The following APBB2 variants were observed in gnomAD, a reference collection of about 807,000 sequenced individuals.
APBB2 encodes Fe65-like 1.
A neutral mutation model predicts 82.5 loss-of-function variants in APBB2; 38 were observed. The observed-to-expected ratio is 0.46, with a 90% CI of 0.36 to 0.60. The LOEUF (loss-of-function observed/expected upper bound fraction) is 0.60, where lower values mean the gene tolerates loss of function less well. APBB2 is among the 20% of genes least tolerant of loss of function. The pLI, the probability that APBB2 is intolerant of heterozygous loss-of-function variation, is 0.00. For synonymous variants in APBB2, 341 were observed against 368.2 expected (o/e 0.93, Z 0.85); for missense variants, 772 against 972.3 (o/e 0.79, Z 2.74).
intron 3 of APBB2, among the ~76,000 whole-genome samples, chr4:41,083,246 C>T (rs1442832285): frequency 6.6e-6 from 1 of 151,852 alleles, no homozygotes; most frequent in Admixed American, 6.6e-5. Flanking sequence ...AATAAGTAGA[C>T]CAAAGTAGTA....
chr4:40,946,273 A>ATTG (rs1191987335), intron 6 of APBB2, among the ~76,000 whole-genome samples: 1 of 148,626 alleles, frequency 6.7e-6, no homozygotes. Context: ...AGGAAAGCAG[A>ATTG]TTGGAAAAGC....
intron 10 of APBB2, among the ~76,000 whole-genome samples, chr4:40,908,351 T>C (rs1777631082): frequency 6.6e-6 from 1 of 152,122 alleles, no homozygotes; most frequent in Non-Finnish European, 1.5e-5. Context: ...CACACGGTGG[T>C]GTATACACTT....
At chr4:41,064,393 G>A (rs1188506140) in intron 4 of APBB2, among the ~76,000 whole-genome samples, 1 of 152,180 alleles carries the variant, frequency 6.6e-6, no homozygotes. Flanking sequence ...ACTTAAAGAT[G>A]AATATGAATA....
At chr4:40,820,651 G>A (rs948695915) in intron 17 of APBB2, among the ~76,000 whole-genome samples, 3 of 151,836 alleles carry the variant, frequency 2.0e-5, no homozygotes, top group African/African-American at 4.8e-5. Flanking sequence ...GGCAACAAAA[G>A]CAAAACTTCA....
At chr4:41,163,558 TA>T (rs1162644905) in intron 1 of APBB2, among the ~76,000 whole-genome samples, 3 of 152,184 alleles carry the variant, frequency 2.0e-5, no homozygotes, top group African/African-American at 4.8e-5. Context: ...ATTATCCCTA[TA>T]GTTCCTCAAG....
At chr4:40,856,863 C>A (rs1380603380) in intron 12 of APBB2, 3 of 842,806 alleles carry the variant, frequency 3.6e-6, no homozygotes, top group Non-Finnish European at 4.3e-6. Flanking sequence ...CAGGACCAGG[C>A]AACTCGCTAA....
chr4:41,056,836 A>G (rs1319060778), intron 4 of APBB2, among the ~76,000 whole-genome samples: 1 of 152,198 alleles, frequency 6.6e-6, no homozygotes, highest in Non-Finnish European at 1.5e-5. Context: ...TCTTGTTCAA[A>G]AACAACAGGA....
At chr4:40,867,010 C>A (rs1255533202) in intron 12 of APBB2, among the ~76,000 whole-genome samples, 1 of 152,226 alleles carries the variant, frequency 6.6e-6, no homozygotes, top group African/African-American at 2.4e-5. Context: ...CCTGCCTCGG[C>A]CTCCCAAAAT....
intron 10 of APBB2, among the ~76,000 whole-genome samples, chr4:40,933,026 G>C (rs561216860): frequency 2.6e-5 from 4 of 152,264 alleles, no homozygotes; most frequent in African/African-American, 9.6e-5. Flanking sequence ...AACAAGCCTG[G>C]CTAATTTTTG....
intron 1 of APBB2, among the ~76,000 whole-genome samples, chr4:41,158,720 AT>A (rs1230796074): frequency 2.0e-5 from 3 of 152,056 alleles, no homozygotes; most frequent in Admixed American, 6.6e-5. Context: ...TTTTAGCAGG[AT>A]TTTTTTTGTA....
intron 6 of APBB2, among the ~76,000 whole-genome samples, chr4:40,954,286 C>A (rs1361228907): frequency 6.6e-6 from 1 of 152,226 alleles, no homozygotes; most frequent in Non-Finnish European, 1.5e-5. Context: ...GTCTGTACTA[C>A]AGAGCACAAG....
intron 3 of APBB2, among the ~76,000 whole-genome samples, chr4:41,071,811 T>C (rs1734005226): frequency 6.6e-6 from 1 of 152,168 alleles, no homozygotes; most frequent in Admixed American, 6.5e-5. Flanking sequence ...CCATAGTGGA[T>C]TAATTTTTTT....
At chr4:41,110,249 G>A (rs1231243564) in intron 2 of APBB2, among the ~76,000 whole-genome samples, 1 of 152,212 alleles carries the variant, frequency 6.6e-6, no homozygotes, top group Non-Finnish European at 1.5e-5. Context: ...AGTGTTTACT[G>A]AGTGAAATGA....
At position 41,173,418 on chromosome 4, in the gene APBB2, T is replaced by C. The variant is rs545315294; in HGVS notation, c.-416-30276A>G. 8.1e-4 allele frequency among the ~76,000 whole-genome samples: 124 copies of C among 152,284 alleles called. 1 individual carries two copies. The highest frequency in any genetic ancestry group is 1.6e-3 in the Admixed American group (24 of 15,308). ...ATACGGAGATTTCTTCAGAGATAAC[T>C]AGACAGATTCCTATCGGCCAGGGGA... On this transcript the variant is annotated intron_variant, in intron 1 of 17. Transcript: ENST00000508593.
chr4:41,075,729 T>C lies in APBB2; in HGVS notation c.-148-10056A>G, dbSNP rs569546836. ...ATTTTTTGTAATGGTGGAAATATTA[T>C]GTTACGCTTATAACTGGGTCTGAGG... On this transcript the variant is annotated intron_variant, in intron 3 of 17. Coordinates refer to ENST00000508593, the MANE Select transcript of APBB2 (RefSeq NM_004307.2). Among the ~76,000 whole-genome samples the C allele has an allele frequency of 2.0e-5, 3 of 152,378 alleles. No homozygotes were observed. The South Asian group carries it at 6.2e-4, about 32-fold the overall frequency.
intron 1 of APBB2, among the ~76,000 whole-genome samples, chr4:41,173,788 G>C (rs1359066579): frequency 1.3e-5 from 2 of 151,890 alleles, no homozygotes; most frequent in African/African-American, 4.8e-5. Flanking sequence ...ATACCATCTA[G>C]GCTTGTGTAA....
rs58613884 is a variant in APBB2 at position 40,846,015 on chromosome 4, GGTGTGTGTGT to G, written c.1530-15448_1530-15439del. ...TGGGTGGGTGGGTGGGTGTGAGTGG[GGTGTGTGTGT>G]GTGTGTGTGTGTGTGTGTGTGTCAT... On this transcript the variant is annotated intron_variant, in intron 12 of 17. Transcript: ENST00000508593. 2.0e-3 allele frequency among the ~76,000 whole-genome samples: 243 copies of G among 119,772 alleles called. 4 individuals carry two copies. The highest frequency in any genetic ancestry group is 3.5e-3 in the African/African-American group (107 of 30,142). The allele number at this position is 119,772 out of a possible 152,430, so 78.6% of individuals were successfully genotyped here.
At chr4:40,995,548 A>AC (rs1803396272) in intron 6 of APBB2, among the ~76,000 whole-genome samples, 1 of 142,600 alleles carries the variant, frequency 7.0e-6, no homozygotes, top group African/African-American at 2.6e-5. Context: ...AAAAAAAAAA[A>AC]TTTTTTTTTT....
In APBB2 at chr4:40,811,453, C is replaced by G. The variant is rs1744386969; in HGVS notation, c.*4639G>C. 1 of 150,994 alleles carries G rather than the reference C, an allele frequency of 6.6e-6. No individual in the cohort carries two copies. The highest frequency in any genetic ancestry group is 2.4e-5 in the African/African-American group (1 of 40,950). 9.4% of individuals were successfully genotyped at this position (150,994 alleles called of 1,614,324 possible). A position where few individuals can be genotyped will look rare whatever the true frequency, so the allele number is the denominator to read the frequency against. Reference sequence around the variant, plus strand: ...CCTGTAATCCCAGCTACTCAGGAGGCTGAGGCGAGAATTGCTTGAACTTGG... The same window carrying G: ...CCTGTAATCCCAGCTACTCAGGAGGGTGAGGCGAGAATTGCTTGAACTTGG... On this transcript the variant is annotated 3_prime_UTR_variant, in exon 18 of 18. Transcript: ENST00000508593.
Sources: allele counts gnomAD v4.1 joint callset (sites outside exome capture counted in the v4.1 genomes callset), GRCh38; gene constraint gnomAD v4.1.1; transcripts MANE v1.5; gene names NCBI Gene and HGNC (gene_info 2026-07-23, HGNC 2026-07-21).